SEMA3E: variants seen among roughly 807,000 people sequenced by gnomAD.
SEMA3E encodes semaphorin 3E.
Under a neutral mutation model 93.6 loss-of-function variants are expected in SEMA3E, and 49 were observed. The ratio of observed to expected loss-of-function variants is 0.52; its 90% CI spans 0.42 to 0.66. The LOEUF (loss-of-function observed/expected upper bound fraction) is 0.66. Ranked by LOEUF, SEMA3E falls within the 30% of genes least tolerant of loss-of-function variation. The pLI is 0.00. For missense variants in SEMA3E, 906 were observed against 964.8 expected (o/e 0.94, Z 0.81); for synonymous variants, 363 against 330.7 (o/e 1.10, Z -1.06).
intron 4 of SEMA3E, among the ~76,000 whole-genome samples, chr7:83,419,923 AC>A (rs1788639747): frequency 6.6e-6 from 1 of 152,078 alleles, no homozygotes. Flanking sequence ...AAGGATGCTT[AC>A]TCTCACCACT....
At chr7:83,599,464 C>T (rs80174274) in intron 1 of SEMA3E, among the ~76,000 whole-genome samples, 2,425 of 152,188 alleles carry the variant, frequency 0.016, 29 homozygotes, top group Non-Finnish European at 0.025. Flanking sequence ...TCAAGGAACC[C>T]GCTTTTGCTC....
intron 4 of SEMA3E, among the ~76,000 whole-genome samples, chr7:83,436,189 TAC>T (rs1448608614): frequency 9.2e-5 from 14 of 151,714 alleles, no homozygotes; most frequent in South Asian, 4.2e-4. Flanking sequence ...TGTGTGTGTG[TAC>T]ACACACACGC....
chr7:83,593,643 A>T (rs2115955593), intron 1 of SEMA3E, among the ~76,000 whole-genome samples: 1 of 151,952 alleles, frequency 6.6e-6, no homozygotes, highest in East Asian at 1.9e-4. Flanking sequence ...GAAAGTAAAG[A>T]TGGAAGAGAG....
chr7:83,366,012 C>T lies in SEMA3E; in HGVS notation c.*1574G>A, dbSNP rs529977794. On this transcript the variant is annotated 3_prime_UTR_variant, in exon 17 of 17. Coordinates refer to ENST00000643230, the MANE Select transcript of SEMA3E (RefSeq NM_012431.3). ...AGGATGTCAATTTTCAGTATATTTG[C>T]ATTTCTTAGATCTTTTGAAGCATGG... 5 of 152,158 alleles carry T rather than the reference C, an allele frequency of 3.3e-5. No homozygotes were observed. The highest frequency in any genetic ancestry group is 1.2e-4 in the African/African-American group (5 of 41,556). 9.4% of individuals were successfully genotyped at this position (152,158 alleles called of 1,614,324 possible).
chr7:83,393,400 T>C (rs1788058177), intron 13 of SEMA3E, among the ~76,000 whole-genome samples: 1 of 152,050 alleles, frequency 6.6e-6, no homozygotes, highest in South Asian at 2.1e-4. Flanking sequence ...TGGTAATATG[T>C]GCCTGTGGTC....
At chr7:83,409,035 A>G (rs1267044891) in intron 5 of SEMA3E, among the ~76,000 whole-genome samples, 1 of 152,154 alleles carries the variant, frequency 6.6e-6, no homozygotes, top group East Asian at 1.9e-4. Context: ...TTGTCATTCA[A>G]TTTGTAAATT....
intron 4 of SEMA3E, among the ~76,000 whole-genome samples, chr7:83,427,208 CTTTTT>C (rs991538125): frequency 6.7e-6 from 1 of 148,474 alleles, no homozygotes; most frequent in African/African-American, 2.5e-5. Flanking sequence ...TTCTTTTTTT[CTTTTT>C]TCTTTCTTTC....
At chr7:83,532,787 A>T (rs67854289) in intron 1 of SEMA3E, among the ~76,000 whole-genome samples, 75,082 of 141,826 alleles carry the variant, frequency 0.53, 20,453 homozygotes, top group Middle Eastern at 0.69. Context: ...TTTTTTTTTT[A>T]AAAAAAGAAA....
chr7:83,506,270 A>T (rs1355502969), intron 1 of SEMA3E, among the ~76,000 whole-genome samples: 1 of 152,108 alleles, frequency 6.6e-6, no homozygotes, highest in African/African-American at 2.4e-5. Flanking sequence ...TATACACAAT[A>T]CAGTATTATT....
At chr7:83,382,939 T>C (rs1787807077) in intron 16 of SEMA3E, among the ~76,000 whole-genome samples, 1 of 152,034 alleles carries the variant, frequency 6.6e-6, no homozygotes, top group East Asian at 1.9e-4. Context: ...AAAGATTAAT[T>C]TGGGCAAAAA....
At chr7:83,637,926 C>T (rs1288583792) in intron 1 of SEMA3E, among the ~76,000 whole-genome samples, 1 of 151,610 alleles carries the variant, frequency 6.6e-6, no homozygotes, top group Non-Finnish European at 1.5e-5. Context: ...TGTATTCTGT[C>T]CCTTGAAAAG....
Position 83,508,029 on chromosome 7 carries a change from A to C in SEMA3E, c.116-17755T>G, listed in dbSNP as rs546900166. 1.2e-4 allele frequency among the ~76,000 whole-genome samples: 19 copies of C among 152,180 alleles called. No homozygotes were observed. The East Asian group carries it at 3.1e-3, about 25-fold the overall frequency. ...AGTTCATAGTACTAAAAATAATATA[A>C]ATTAACAGATATGATATTGAGGCAT... On this transcript the variant is annotated intron_variant, in intron 1 of 16. Coordinates refer to ENST00000643230, the MANE Select transcript of SEMA3E (RefSeq NM_012431.3).
chr7:83,649,074 C>CCACCCT lies in SEMA3E; in HGVS notation c.-533_-532insAGGGTG, dbSNP rs1794120861. ...AAGAAGTGCCATTCCCTCTAGGAGT[C>CCACCCT]GCAGGATCCACCCAGCAGGGATGCA... On this transcript the variant is annotated 5_prime_UTR_variant, in exon 1 of 17. Transcript: ENST00000643230. The CCACCCT allele has an allele frequency of 6.2e-6, 1 of 160,144 alleles. No homozygotes were observed. Among genetic ancestry groups the CCACCCT allele is most frequent in the Non-Finnish European group, 1.4e-5 (1 of 72,476 alleles). The allele number at this position is 160,144 out of a possible 1,614,324, so 9.9% of individuals were successfully genotyped here.
chr7:83,547,718 TG>T (rs753385991), intron 1 of SEMA3E, among the ~76,000 whole-genome samples: 2 of 152,124 alleles, frequency 1.3e-5, no homozygotes, highest in Non-Finnish European at 2.9e-5. Context: ...CTAGAGATGT[TG>T]GTTAGCAGGT....
intron 14 of SEMA3E, among the ~76,000 whole-genome samples, chr7:83,390,056 TGTGCAC>T (rs1562758463): frequency 1.4e-5 from 2 of 145,422 alleles, no homozygotes; most frequent in African/African-American, 2.5e-5. Flanking sequence ...CGCGTATACG[TGTGCAC>T]ATATATGCGC....
At chr7:83,585,711 A>G (rs1185184630) in intron 1 of SEMA3E, among the ~76,000 whole-genome samples, 5 of 152,194 alleles carry the variant, frequency 3.3e-5, no homozygotes, top group Non-Finnish European at 5.9e-5. Context: ...ATTAAATCAC[A>G]AAGCCCAAGA....
At chr7:83,623,504 A>G (rs1793607436) in intron 1 of SEMA3E, among the ~76,000 whole-genome samples, 1 of 152,132 alleles carries the variant, frequency 6.6e-6, no homozygotes, top group African/African-American at 2.4e-5. Context: ...AGTGAGATTC[A>G]TAAGTATACG....
chr7:83,554,195 C>G (rs1432976804), intron 1 of SEMA3E, among the ~76,000 whole-genome samples: 3 of 151,950 alleles, frequency 2.0e-5, no homozygotes, highest in African/African-American at 7.2e-5. Flanking sequence ...GGATTTTCAC[C>G]TTTTTATATT....
chr7:83,375,540 T>C (rs1054004342), intron 16 of SEMA3E, among the ~76,000 whole-genome samples: 31 of 152,080 alleles, frequency 2.0e-4, no homozygotes, highest in Non-Finnish European at 3.8e-4. Flanking sequence ...CACACGCATA[T>C]TTTTATGATC....
Sources: gnomAD v4.1 joint callset for allele counts (sites outside exome capture counted in the v4.1 genomes callset) on GRCh38, gnomAD v4.1.1 for gene constraint, MANE v1.5 for transcripts, NCBI Gene and HGNC (gene_info 2026-07-23, HGNC 2026-07-21) for gene names.